Variants in KCNIP4 observed in about 807,000 individuals in gnomAD.
The protein encoded by KCNIP4 is potassium voltage-gated channel interacting protein 4, also known as Kv channel-interacting protein 4.
A neutral mutation model predicts 34.0 loss-of-function variants in KCNIP4; 12 were observed. That is an observed-to-expected ratio of 0.35 (90% CI 0.23 to 0.57). The LOEUF is 0.57. KCNIP4 is among the 20% of genes least tolerant of loss of function. The pLI is 0.83. For synonymous variants in KCNIP4, 124 were observed against 102.2 expected (o/e 1.21, Z -1.29); for missense variants, 238 against 311.7 (o/e 0.76, Z 1.78).
chr4:20,937,543 T>A (rs936982291), intron 1 of KCNIP4, among the ~76,000 whole-genome samples: 1 of 151,736 alleles, frequency 6.6e-6, no homozygotes, highest in Non-Finnish European at 1.5e-5. Flanking sequence ...CCCCAAGGAG[T>A]CTTTTGAAAG....
chr4:21,596,068 G>A (rs1285710325), intron 1 of KCNIP4, among the ~76,000 whole-genome samples: 7 of 152,134 alleles, frequency 4.6e-5, no homozygotes, highest in East Asian at 1.9e-4. Flanking sequence ...CGCAACCAAC[G>A]CCTTGTATCA....
At chr4:21,811,865 G>A (rs779983102) in intron 1 of KCNIP4, among the ~76,000 whole-genome samples, 4 of 152,176 alleles carry the variant, frequency 2.6e-5, no homozygotes, top group Middle Eastern at 3.2e-3. Flanking sequence ...GCAAGATCTC[G>A]TGAGAATCCC....
At chr4:21,155,630 A>T (rs1389965777) in intron 1 of KCNIP4, among the ~76,000 whole-genome samples, 1 of 152,182 alleles carries the variant, frequency 6.6e-6, no homozygotes, top group Non-Finnish European at 1.5e-5. Context: ...GGAAGGAGTC[A>T]CTTGTCAGTA....
At chr4:20,897,424 G>C (rs1184433133) in intron 1 of KCNIP4, among the ~76,000 whole-genome samples, 1 of 151,982 alleles carries the variant, frequency 6.6e-6, no homozygotes, top group Non-Finnish European at 1.5e-5. Context: ...ACTTAAAACT[G>C]TGTCCTCACG....
At position 21,697,770 on chromosome 4, in the gene KCNIP4, C is replaced by G. The variant is rs955864528; in HGVS notation, c.61+250801G>C. ...CGGCTCGGCATCCCCTCTCCAGAAG[C>G]AGTTGCAACCTCACAGACCATTCAG... On this transcript the variant is annotated intron_variant, in intron 1 of 8. Transcript: ENST00000382152. 3 of 644,686 alleles carry G rather than the reference C, an allele frequency of 4.7e-6. No homozygotes were observed. The African/African-American group carries it at 5.9e-5, about 13-fold the overall frequency. The allele number at this position is 644,686 out of a possible 1,614,324, so 39.9% of individuals were successfully genotyped here.
chr4:21,204,678 T>C (rs1756722712), intron 1 of KCNIP4, among the ~76,000 whole-genome samples: 1 of 152,160 alleles, frequency 6.6e-6, no homozygotes, highest in Non-Finnish European at 1.5e-5. Flanking sequence ...GATTTCAAGG[T>C]TTTAAATATG....
At chr4:21,438,479 A>G (rs1727157020) in intron 1 of KCNIP4, among the ~76,000 whole-genome samples, 1 of 152,212 alleles carries the variant, frequency 6.6e-6, no homozygotes, top group East Asian at 1.9e-4. Flanking sequence ...ATATGATTCA[A>G]ATATGTCTTT....
chr4:21,537,988 G>A (rs1737338052), intron 1 of KCNIP4, among the ~76,000 whole-genome samples: 1 of 130,900 alleles, frequency 7.6e-6, no homozygotes, highest in Non-Finnish European at 1.5e-5. Context: ...CTCCAGCCTA[G>A]GTGACAGAGT....
chr4:20,827,709 A>T (rs538392243), intron 3 of KCNIP4, among the ~76,000 whole-genome samples: 1 of 152,130 alleles, frequency 6.6e-6, no homozygotes, highest in East Asian at 1.9e-4. Flanking sequence ...CATCCTTCAC[A>T]TAAGTCTCTT....
intron 1 of KCNIP4, among the ~76,000 whole-genome samples, chr4:21,269,489 T>A (rs1485648142): frequency 6.6e-6 from 1 of 152,084 alleles, no homozygotes; most frequent in Non-Finnish European, 1.5e-5. Context: ...CACTGCAGCC[T>A]CAACCTCCTG....
chr4:21,227,683 A>AACAAC (rs1417145414), intron 1 of KCNIP4, among the ~76,000 whole-genome samples: 1 of 152,038 alleles, frequency 6.6e-6, no homozygotes, highest in East Asian at 1.9e-4. Flanking sequence ...AACAAAACAA[A>AACAAC]ACAAAACAAA....
At chr4:21,038,562 G>A (rs547235933) in intron 1 of KCNIP4, among the ~76,000 whole-genome samples, 8 of 152,168 alleles carry the variant, frequency 5.3e-5, no homozygotes, top group South Asian at 2.1e-4. Flanking sequence ...GGAGGGCTTC[G>A]AATCCCTTCA....
intron 1 of KCNIP4, among the ~76,000 whole-genome samples, chr4:21,389,701 T>C (rs1028430268): frequency 2.0e-5 from 3 of 152,094 alleles, no homozygotes; most frequent in East Asian, 1.9e-4. Context: ...CAGTTTATCA[T>C]TGATGGACAT....
intron 1 of KCNIP4, among the ~76,000 whole-genome samples, chr4:21,685,257 C>T (rs920607127): frequency 1.3e-5 from 2 of 152,120 alleles, no homozygotes; most frequent in African/African-American, 4.8e-5. Context: ...GTATCTGAAA[C>T]AGGACTTAGT....
chr4:21,722,312 G>A (rs1283384412), intron 1 of KCNIP4, among the ~76,000 whole-genome samples: 2 of 152,112 alleles, frequency 1.3e-5, no homozygotes, highest in African/African-American at 4.8e-5. Flanking sequence ...CACACTTTAG[G>A]CATGTGAGGC....
intron 1 of KCNIP4, among the ~76,000 whole-genome samples, chr4:21,062,885 A>C (rs1744049915): frequency 6.6e-6 from 1 of 152,130 alleles, no homozygotes; most frequent in African/African-American, 2.4e-5. Flanking sequence ...TAGGAGGATG[A>C]TCTGTTTTGC....
intron 1 of KCNIP4, among the ~76,000 whole-genome samples, chr4:21,268,743 G>T (rs1038872817): frequency 6.6e-6 from 1 of 152,186 alleles, no homozygotes; most frequent in Admixed American, 6.5e-5. Flanking sequence ...AAACCCATGT[G>T]CTAAGGGTTT....
intron 1 of KCNIP4, among the ~76,000 whole-genome samples, chr4:21,247,871 C>T (rs968178845): frequency 1.1e-4 from 15 of 138,884 alleles, no homozygotes; most frequent in African/African-American, 3.8e-4. Flanking sequence ...TATATACACA[C>T]ACACACACAC....
At chr4:21,436,208 A>C (rs1054770661) in intron 1 of KCNIP4, among the ~76,000 whole-genome samples, 1 of 152,180 alleles carries the variant, frequency 6.6e-6, no homozygotes, top group Non-Finnish European at 1.5e-5. Flanking sequence ...GCATTTGGAT[A>C]GTCTTACTGA....
Sources: allele counts gnomAD v4.1 joint callset (sites outside exome capture counted in the v4.1 genomes callset), GRCh38; gene constraint gnomAD v4.1.1; transcripts MANE v1.5; gene names NCBI Gene and HGNC (gene_info 2026-07-23, HGNC 2026-07-21).